The following MVB12B variants were observed in gnomAD, a reference collection of about 807,000 sequenced individuals.
MVB12B encodes the protein multivesicular body subunit 12B, also known as ESCRT-I complex subunit MVB12B.
MVB12B carries 16 observed loss-of-function variants against 41.6 expected under a neutral mutation model. The observed-to-expected ratio is 0.38, with a 90% CI of 0.26 to 0.58. The LOEUF (loss-of-function observed/expected upper bound fraction) is 0.58. Among genes scored for constraint, MVB12B ranks in the 20% least tolerant of loss-of-function variants. The pLI is 0.62. For synonymous variants in MVB12B, 133 were observed against 139.7 expected, an observed-to-expected ratio of 0.95 and a Z score of 0.34; for missense variants, 274 against 380.2, an observed-to-expected ratio of 0.72 and a Z score of 2.32.
chr9:126,492,408 GTA>G (rs1021289838), intron 9 of MVB12B, among the ~76,000 whole-genome samples: 14 of 151,982 alleles, frequency 9.2e-5, no homozygotes, highest in African/African-American at 3.4e-4. Context: ...GGAAGAGGAT[GTA>G]TGTTACCATT....
chr9:126,495,386 C>T (rs1023890204), intron 9 of MVB12B, among the ~76,000 whole-genome samples: 4 of 152,308 alleles, frequency 2.6e-5, no homozygotes, highest in East Asian at 3.9e-4. Context: ...TGTCTTTGTT[C>T]GTCATGCAGC....
At chr9:126,377,396 CAA>C (rs1280046556) in intron 2 of MVB12B, among the ~76,000 whole-genome samples, 1 of 152,130 alleles carries the variant, frequency 6.6e-6, no homozygotes, top group Non-Finnish European at 1.5e-5. Flanking sequence ...AGCAAACACA[CAA>C]GAGAACCAAA....
chr9:126,346,794 G>T (rs1829601680), intron 2 of MVB12B, among the ~76,000 whole-genome samples: 2 of 152,198 alleles, frequency 1.3e-5, no homozygotes, highest in Admixed American at 1.3e-4. Flanking sequence ...GAAAACTAAG[G>T]GGAAAAGTGT....
chr9:126,334,236 CA>C (rs771835547), intron 1 of MVB12B, among the ~76,000 whole-genome samples: 28 of 152,258 alleles, frequency 1.8e-4, no homozygotes, highest in Middle Eastern at 6.8e-3. Flanking sequence ...GAGGATGCTT[CA>C]GGGGGAAGAT....
chr9:126,344,202 A>G (rs1299502655), intron 2 of MVB12B, among the ~76,000 whole-genome samples: 1 of 152,250 alleles, frequency 6.6e-6, no homozygotes, highest in Non-Finnish European at 1.5e-5. Flanking sequence ...AGCAAAACAC[A>G]CACAGCTCCT....
At chr9:126,462,940 T>C (rs1213122102) in intron 7 of MVB12B, among the ~76,000 whole-genome samples, 2 of 152,262 alleles carry the variant, frequency 1.3e-5, no homozygotes, top group Admixed American at 1.3e-4. Context: ...TCTGGGTAAT[T>C]GATGGCATTC....
At chr9:126,410,197 A>T (rs1270670544) in intron 6 of MVB12B, among the ~76,000 whole-genome samples, 1 of 150,418 alleles carries the variant, frequency 6.6e-6, no homozygotes, top group African/African-American at 2.4e-5. Flanking sequence ...GCATGCATGC[A>T]TGTGTGTATG....
At position 126,391,595 on chromosome 9, in the gene MVB12B, G is replaced by A. The variant is rs966164458; in HGVS notation, c.410-471G>A. The stretch of plus-strand genomic sequence containing the variant: ...TCCAGCAAAACTGCAGGGGTGGGAG[G>A]AGAGGAAACCAGCTTGTCCATTGTG... On this transcript the variant is annotated intron_variant, in intron 4 of 9. Coordinates refer to ENST00000361171, the MANE Select transcript of MVB12B (RefSeq NM_033446.3). This position sits in a 1 kb window ranked among gnomAD's most constrained non-coding sequence, Gnocchi z 4.4. Among the ~76,000 whole-genome samples the A allele has an allele frequency of 3.3e-5, 5 of 152,236 alleles. No homozygotes were observed. The highest frequency in any genetic ancestry group is 1.2e-4 in the African/African-American group (5 of 41,458).
rs1349690938 is a variant in MVB12B at position 126,436,280 on chromosome 9, C to T, written c.757+14332C>T. ...ATGTTAGCAGATACGCCCTTTGAAA[C>T]GGGAGCTGAAGAGTAAATTCTGTGC... On this transcript the variant is annotated intron_variant, in intron 7 of 9. Coordinates refer to ENST00000361171, the MANE Select transcript of MVB12B (RefSeq NM_033446.3). This position sits in a 1 kb window ranked among gnomAD's most constrained non-coding sequence, Gnocchi z 4.1. Among the ~76,000 whole-genome samples, 2 of 152,156 alleles carry T rather than the reference C, an allele frequency of 1.3e-5. No homozygotes were observed. The highest frequency in any genetic ancestry group is 2.1e-4 in the South Asian group (1 of 4,834).
chr9:126,353,370 G>T (rs940120036), intron 2 of MVB12B, among the ~76,000 whole-genome samples: 1 of 152,156 alleles, frequency 6.6e-6, no homozygotes, highest in African/African-American at 2.4e-5. Context: ...TTAACAGTTT[G>T]GTCTGTATCC....
intron 7 of MVB12B, among the ~76,000 whole-genome samples, chr9:126,460,463 G>GC (rs1833066604): frequency 6.6e-6 from 1 of 152,188 alleles, no homozygotes; most frequent in South Asian, 2.1e-4. Context: ...GCCAGGAGAT[G>GC]CCCCCAGATG....
At chr9:126,433,102 G>A (rs1470464562) in intron 7 of MVB12B, among the ~76,000 whole-genome samples, 1 of 152,080 alleles carries the variant, frequency 6.6e-6, no homozygotes, top group Non-Finnish European at 1.5e-5. Context: ...AAAGTTAAAT[G>A]ACCTTGGGCA....
intron 2 of MVB12B, among the ~76,000 whole-genome samples, chr9:126,366,862 C>T (rs1187236122): frequency 6.6e-6 from 1 of 152,188 alleles, no homozygotes; most frequent in Non-Finnish European, 1.5e-5. Flanking sequence ...CCTCCATTTC[C>T]ACCAGGCTGC....
chr9:126,487,659 G>A (rs895541315), intron 9 of MVB12B, among the ~76,000 whole-genome samples: 1 of 152,100 alleles, frequency 6.6e-6, no homozygotes, highest in African/African-American at 2.4e-5. Flanking sequence ...CAGCTACTCA[G>A]GCGGCTGAAG....
chr9:126,431,820 G>A (rs1332751726), intron 7 of MVB12B, among the ~76,000 whole-genome samples: 1 of 152,150 alleles, frequency 6.6e-6, no homozygotes, highest in Non-Finnish European at 1.5e-5. Context: ...AGCCTTTCTG[G>A]ATCTAAATTC....
In MVB12B at chr9:126,344,995, G is replaced by A. The variant is rs774410754; in HGVS notation, c.204+4365G>A. On this transcript the variant is annotated intron_variant, in intron 2 of 9. Coordinates refer to ENST00000361171, the MANE Select transcript of MVB12B (RefSeq NM_033446.3). Reference sequence around the variant, plus strand: ...TGTTGCACTGGGGATAAGGTTTCTAGCACATGAACATTGGGGGCACATTGA... The same window carrying A: ...TGTTGCACTGGGGATAAGGTTTCTAACACATGAACATTGGGGGCACATTGA... Among the ~76,000 whole-genome samples, 6 of 152,228 alleles carry A rather than the reference G, an allele frequency of 3.9e-5. No homozygotes were observed. The East Asian group carries it at 7.7e-4, about 20-fold the overall frequency.
At chr9:126,448,599 C>T (rs1421785600) in intron 7 of MVB12B, among the ~76,000 whole-genome samples, 2 of 152,154 alleles carry the variant, frequency 1.3e-5, no homozygotes, top group South Asian at 2.1e-4. Context: ...AGAATCTGCT[C>T]CTGGTGAGGG....
At chr9:126,457,157 C>A (rs1250254169) in intron 7 of MVB12B, among the ~76,000 whole-genome samples, 2 of 152,268 alleles carry the variant, frequency 1.3e-5, no homozygotes, top group South Asian at 2.1e-4. Flanking sequence ...CCTTTTTAAT[C>A]GATGTCAGCT....
chr9:126,438,811 G>A (rs902839626), intron 7 of MVB12B, among the ~76,000 whole-genome samples: 3 of 152,154 alleles, frequency 2.0e-5, no homozygotes, highest in Non-Finnish European at 4.4e-5. Flanking sequence ...ATATTTCTCT[G>A]TATATAGTCT....
Sources: gnomAD v4.1 joint callset for allele counts (sites outside exome capture counted in the v4.1 genomes callset) on GRCh38, gnomAD v4.1.1 for gene constraint, Gnocchi (gnomAD v3.1) non-coding constraint, MANE v1.5 for transcripts, NCBI Gene and HGNC (gene_info 2026-07-23, HGNC 2026-07-21) for gene names.